FAM184B: variants seen among roughly 807,000 people sequenced by gnomAD.
FAM184B encodes the protein family with sequence similarity 184 member B.
A neutral mutation model predicts 135.9 loss-of-function variants in FAM184B; 111 were observed. That is an observed-to-expected ratio of 0.82 (90% confidence interval 0.70 to 0.96). FAM184B has a LOEUF of 0.96. Ranked by LOEUF, FAM184B falls within the 40% of genes least tolerant of loss-of-function variation. The probability of loss-of-function intolerance (pLI) is 0.00; values close to 1 mark genes in which losing one functional copy is unlikely to be tolerated. For missense variants in FAM184B, 1,375 were observed against 1,323.9 expected, an observed-to-expected ratio of 1.04 and a Z score of -0.60; for synonymous variants, 552 against 524.8, an observed-to-expected ratio of 1.05 and a Z score of -0.71.
At chr4:17,653,103 G>A (rs1715672824) in intron 10 of FAM184B, 120 bp from the exon 11 acceptor site, 3 of 949,064 alleles carry the variant, frequency 3.2e-6, no homozygotes, top group Non-Finnish European at 4.8e-6. Flanking sequence ...CCCATGGAGG[G>A]CTTATCAGGC....
rs567233283 is a variant in FAM184B at position 17,632,830 on chromosome 4, G to T, written c.3090-205C>A. On this transcript the variant is annotated intron_variant, in intron 17 of 17. Coordinates refer to ENST00000265018, the MANE Select transcript of FAM184B (RefSeq NM_015688.2). ...CCTAATCCTCATTTGGAAAACAGAAGGTTCACCATTGTTTGGTTCTCCATT... is the reference window on the plus strand; with the variant it reads ...CCTAATCCTCATTTGGAAAACAGAATGTTCACCATTGTTTGGTTCTCCATT... 9.5e-4 allele frequency: 433 copies of T among 454,268 alleles called. 7 individuals carry two copies. In the South Asian group the frequency reaches 0.011, roughly 12 times the overall value. 28.1% of individuals were successfully genotyped at this position (454,268 alleles called of 1,614,324 possible).
Position 17,630,990 on chromosome 4 carries a change from A to G in FAM184B, c.*1542T>C, listed in dbSNP as rs572566097. 5 of 152,356 alleles carry G rather than the reference A, an allele frequency of 3.3e-5. No homozygotes were observed. The East Asian group carries it at 9.6e-4, about 29-fold the overall frequency. 9.4% of individuals were successfully genotyped at this position (152,356 alleles called of 1,614,324 possible). On this transcript the variant is annotated 3_prime_UTR_variant, in exon 18 of 18. Coordinates refer to ENST00000265018, the MANE Select transcript of FAM184B (RefSeq NM_015688.2). ...GTGGGCCACCTTCTGGGCCAGCACCAAAGACTGAAAAAATATTTTGCCCCC... is the reference window on the plus strand; with the variant it reads ...GTGGGCCACCTTCTGGGCCAGCACCGAAGACTGAAAAAATATTTTGCCCCC...
rs77042376 is a variant in FAM184B at position 17,753,246 on chromosome 4, G to A, written c.141+27913C>T. ...TTACATATTTGTCCTCTAATTTATCGTAAGTCTCCTCAGGGCAGGGATCAT... is the reference window on the plus strand; with the variant it reads ...TTACATATTTGTCCTCTAATTTATCATAAGTCTCCTCAGGGCAGGGATCAT... On this transcript the variant is annotated intron_variant, in intron 1 of 17. Coordinates refer to ENST00000265018, the MANE Select transcript of FAM184B (RefSeq NM_015688.2). Among the ~76,000 whole-genome samples the A allele has an allele frequency of 4.9e-3, 749 of 152,106 alleles. 10 individuals are homozygous for A. Among genetic ancestry groups the A allele is most frequent in the African/African-American group, 0.017 (707 of 41,480 alleles).
intron 7 of FAM184B, among the ~76,000 whole-genome samples, chr4:17,671,769 A>G (rs539553958): frequency 6.6e-6 from 1 of 152,212 alleles, no homozygotes; most frequent in South Asian, 2.1e-4. Flanking sequence ...GAACAAAGTG[A>G]GAATTTCAAC....
chr4:17,654,865 T>G (rs1715745649), intron 10 of FAM184B, among the ~76,000 whole-genome samples: 1 of 151,752 alleles, frequency 6.6e-6, no homozygotes. Flanking sequence ...TTCTTTTTCT[T>G]TTTTTGAGAC....
At chr4:17,651,604 T>G (rs1715620320) in intron 11 of FAM184B, among the ~76,000 whole-genome samples, 1 of 148,484 alleles carries the variant, frequency 6.7e-6, no homozygotes, top group South Asian at 2.1e-4. Flanking sequence ...CAGGGAACAC[T>G]TAGATAGACT....
chr4:17,680,120 A>G (rs1433420205), intron 7 of FAM184B, among the ~76,000 whole-genome samples: 1 of 152,216 alleles, frequency 6.6e-6, no homozygotes, highest in Non-Finnish European at 1.5e-5. Context: ...AGAAATCAGC[A>G]CTAAAGAACT....
At chr4:17,635,171 C>A in intron 15 of FAM184B, 58 bp from the exon 16 acceptor site, 1 of 1,372,662 alleles carries the variant, frequency 7.3e-7, no homozygotes, top group Non-Finnish European at 1.0e-6. Flanking sequence ...CTGGGTTTGA[C>A]TTGAAGGAAG....
chr4:17,654,193 CTT>C (rs199536597), intron 10 of FAM184B, among the ~76,000 whole-genome samples: 16 of 138,254 alleles, frequency 1.2e-4, no homozygotes, highest in Non-Finnish European at 1.3e-4. Flanking sequence ...ATAGTTTCTG[CTT>C]TTTTTTTTTT....
chr4:17,650,902 A>AAT (rs1553829520), intron 11 of FAM184B, among the ~76,000 whole-genome samples: 1 of 150,514 alleles, frequency 6.6e-6, no homozygotes, highest in Non-Finnish European at 1.5e-5. Flanking sequence ...ACTTTTCCTA[A>AAT]TTTTTTTTTT....
chr4:17,662,586 C>A (rs1469919680), intron 8 of FAM184B, among the ~76,000 whole-genome samples: 1 of 152,324 alleles, frequency 6.6e-6, no homozygotes, highest in Non-Finnish European at 1.5e-5. Context: ...GATCCACCGG[C>A]CTCGGCCTCC....
chr4:17,684,682 T>C (rs928775081), intron 7 of FAM184B, among the ~76,000 whole-genome samples: 3 of 152,202 alleles, frequency 2.0e-5, no homozygotes, highest in Non-Finnish European at 2.9e-5. Flanking sequence ...CAAATGAAAC[T>C]GATATTTGTC....
At chr4:17,731,998 G>A (rs1717789479) in intron 1 of FAM184B, among the ~76,000 whole-genome samples, 2 of 152,158 alleles carry the variant, frequency 1.3e-5, no homozygotes, top group Non-Finnish European at 2.9e-5. Flanking sequence ...TCAGACCACA[G>A]TGCAATCAAA....
chr4:17,711,911 C>T (rs1717281550), intron 1 of FAM184B, among the ~76,000 whole-genome samples: 1 of 152,132 alleles, frequency 6.6e-6, no homozygotes, highest in African/African-American at 2.4e-5. Context: ...AGGTCACTAA[C>T]AGTGAGCTGA....
intron 1 of FAM184B, among the ~76,000 whole-genome samples, chr4:17,712,828 G>A (rs1365133120): frequency 5.9e-5 from 9 of 152,170 alleles, no homozygotes; most frequent in Admixed American, 2.0e-4. Context: ...TAGGCCAATC[G>A]GGAATAGTGT....
At chr4:17,719,285 G>A (rs900731202) in intron 1 of FAM184B, among the ~76,000 whole-genome samples, 5 of 152,166 alleles carry the variant, frequency 3.3e-5, no homozygotes, top group Non-Finnish European at 7.3e-5. Flanking sequence ...GGCAGGTAGG[G>A]ACTACAGCGC....
At chr4:17,774,175 G>A (rs1227432442) in intron 1 of FAM184B, among the ~76,000 whole-genome samples, 1 of 152,052 alleles carries the variant, frequency 6.6e-6, no homozygotes, top group African/African-American at 2.4e-5. Flanking sequence ...CCAAGGGTAC[G>A]AGGCCAGCCT....
chr4:17,774,065 G>A (rs1478313248), intron 1 of FAM184B, among the ~76,000 whole-genome samples: 1 of 152,194 alleles, frequency 6.6e-6, no homozygotes, highest in South Asian at 2.1e-4. Context: ...TGAGGTTGTG[G>A]AGAGAGCTGC....
Position 17,709,294 on chromosome 4 carries a change from G to T in FAM184B, c.492C>A (p.His164Gln). The T allele has an allele frequency of 6.5e-7, 1 of 1,549,386 alleles. No homozygotes were observed. Reference sequence around the variant, plus strand: ...GCGGGGTAGCCTCGTGGCTCGTCAGGTGCTGGAGCCTCCTCTCGTAGTCAG... The same window carrying T: ...GCGGGGTAGCCTCGTGGCTCGTCAGTTGCTGGAGCCTCCTCTCGTAGTCAG... ...LKADYERRLQ[H>Q]LTSHEATPQG... Residue 164 changes from histidine to glutamine, a missense_variant, in exon 2 of 18, where the codon CAC becomes CAA. His to Gln is a conservative substitution (Grantham distance 24). Coordinates refer to ENST00000265018, the MANE Select transcript of FAM184B (RefSeq NM_015688.2).
Sources: gnomAD v4.1 joint callset for allele counts (sites outside exome capture counted in the v4.1 genomes callset) on GRCh38, gnomAD v4.1.1 for gene constraint, MANE v1.5 for transcripts, NCBI Gene and HGNC (gene_info 2026-07-23, HGNC 2026-07-21) for gene names.